The following GRIN2A variants were observed in gnomAD, a reference collection of about 807,000 sequenced individuals.
GRIN2A encodes glutamate receptor ionotropic, NMDA 2A.
GRIN2A carries 22 observed loss-of-function variants against 113.4 expected under a neutral mutation model. That is an observed-to-expected ratio of 0.19 (90% CI 0.14 to 0.28). GRIN2A has a LOEUF of 0.28. Ranked by LOEUF, GRIN2A falls within the 10% of genes least tolerant of loss-of-function variation. GRIN2A has a pLI of 1.00. For synonymous variants in GRIN2A, 827 were observed against 738.4 expected (o/e 1.12, Z -1.94); for missense variants, 1,502 against 1,887.0 (o/e 0.80, Z 3.78).
intron 2 of GRIN2A, among the ~76,000 whole-genome samples, chr16:10,043,876 T>C (rs540448119): frequency 1.3e-5 from 2 of 151,760 alleles, no homozygotes; most frequent in Admixed American, 6.6e-5. Context: ...AATATACATA[T>C]ACATACACAC....
rs1435985918 is a variant in GRIN2A, at chr16:10,058,684, G to C, written c.415-120133C>G. 2.0e-5 allele frequency among the ~76,000 whole-genome samples: 3 copies of C among 152,206 alleles called. 1 individual carries two copies. Among genetic ancestry groups the C allele is most frequent in the African/African-American group, 7.2e-5 (3 of 41,444 alleles). ...TACAGACCACTGAGTTCCATCCACA[G>C]ACCCCTTAGGGGCCCGTTTATGTGA... is the stretch of plus-strand genomic sequence containing the variant. On this transcript the variant is annotated intron_variant, in intron 2 of 12. Transcript: ENST00000330684.
chr16:9,955,190 C>G (rs1167590101), intron 2 of GRIN2A, among the ~76,000 whole-genome samples: 1 of 152,188 alleles, frequency 6.6e-6, no homozygotes, highest in African/African-American at 2.4e-5. Context: ...TACCACAAAT[C>G]ACCACATGGC....
At chr16:9,809,480 G>A (rs1223223266) in intron 10 of GRIN2A, among the ~76,000 whole-genome samples, 1 of 151,468 alleles carries the variant, frequency 6.6e-6, no homozygotes, top group Non-Finnish European at 1.5e-5. Context: ...TTGGAGAAAT[G>A]GAACGTACAT....
chr16:10,124,002 G>C lies in GRIN2A; in HGVS notation c.414+55996C>G, dbSNP rs939552134. 3.9e-5 allele frequency among the ~76,000 whole-genome samples: 6 copies of C among 152,154 alleles called. 1 individual carries two copies. Among genetic ancestry groups the C allele is most frequent in the African/African-American group, 1.4e-4 (6 of 41,448 alleles). ...TGCCCTGGTGTAATCATCCCTCACA[G>C]AGCCCTTGTTCCCACCTTCTTTCCA... On this transcript the variant is annotated intron_variant, in intron 2 of 12. Coordinates refer to ENST00000330684, the MANE Select transcript of GRIN2A (RefSeq NM_001134407.3).
chr16:10,039,235 T>A (rs1469649580), intron 2 of GRIN2A, among the ~76,000 whole-genome samples: 6 of 151,262 alleles, frequency 4.0e-5, no homozygotes, highest in Admixed American at 3.3e-4. Flanking sequence ...GGTGCCAGGG[T>A]TTAAAGAGGT....
chr16:9,769,116 A>G, intron 11 of GRIN2A, 27 bp from the exon 12 acceptor site: 1 of 1,551,668 alleles, frequency 6.4e-7, no homozygotes, highest in Non-Finnish European at 8.9e-7. Flanking sequence ...ATTCACAGGC[A>G]GTGAGGACCA....
At chr16:9,821,664 T>C (rs2042287680) in intron 10 of GRIN2A, among the ~76,000 whole-genome samples, 1 of 152,216 alleles carries the variant, frequency 6.6e-6, no homozygotes, top group South Asian at 2.1e-4. Flanking sequence ...TGAGAAACTC[T>C]CTCTCCAAAG....
intron 3 of GRIN2A, among the ~76,000 whole-genome samples, chr16:9,892,933 GAAAAAA>G (rs57666918): frequency 9.3e-4 from 90 of 96,596 alleles, no homozygotes; most frequent in African/African-American, 3.1e-3. Context: ...GCTAAAAAGT[GAAAAAA>G]AAAAAAAAAA....
intron 2 of GRIN2A, among the ~76,000 whole-genome samples, chr16:10,044,040 GAGAGAGAC>G (rs1426414946): frequency 9.7e-5 from 14 of 145,002 alleles, no homozygotes; most frequent in East Asian, 6.1e-4. Flanking sequence ...GAGAGAGAGA[GAGAGAGAC>G]AGAGACAGAG....
At chr16:10,089,969 A>T (rs199842741) in intron 2 of GRIN2A, among the ~76,000 whole-genome samples, 1 of 152,200 alleles carries the variant, frequency 6.6e-6, no homozygotes, top group East Asian at 1.9e-4. Flanking sequence ...CTTTAGTTTG[A>T]CATGGAAATT....
At position 9,797,189 on chromosome 16, in the gene GRIN2A, G is replaced by A. The variant is rs145534651; in HGVS notation, c.2356+1088C>T. On this transcript the variant is annotated intron_variant, in intron 11 of 12. Coordinates refer to ENST00000330684, the MANE Select transcript of GRIN2A (RefSeq NM_001134407.3). ...TCCCACCTGTAGCCTGGCATAACAC[G>A]TTCTGTAATCATCTCTGAATATAGC... Among the ~76,000 whole-genome samples, 66 of 152,324 alleles carry A rather than the reference G, an allele frequency of 4.3e-4. 1 individual carries two copies. The highest frequency in any genetic ancestry group is 1.3e-3 in the African/African-American group (55 of 41,574).
chr16:9,820,980 G>C (rs2042272130), intron 10 of GRIN2A, among the ~76,000 whole-genome samples: 1 of 152,114 alleles, frequency 6.6e-6, no homozygotes, highest in African/African-American at 2.4e-5. Context: ...ACATTCCAAA[G>C]GCACAGACTG....
At chr16:10,039,709 C>G (rs539822048) in intron 2 of GRIN2A, among the ~76,000 whole-genome samples, 72 of 148,496 alleles carry the variant, frequency 4.8e-4, no homozygotes, top group African/African-American at 1.8e-3. Context: ...GGACCAGGTG[C>G]TGGGCAGAAG....
chr16:10,067,640 G>T (rs1381316461), intron 2 of GRIN2A, among the ~76,000 whole-genome samples: 1 of 152,166 alleles, frequency 6.6e-6, no homozygotes, highest in Non-Finnish European at 1.5e-5. Context: ...AACAGCAGCT[G>T]AGAGGAGTGG....
chr16:9,783,307 C>T (rs1275022452), intron 11 of GRIN2A, among the ~76,000 whole-genome samples: 2 of 152,196 alleles, frequency 1.3e-5, no homozygotes, highest in Non-Finnish European at 2.9e-5. Context: ...CCATTGCGTC[C>T]AAATCTAGTT....
intron 2 of GRIN2A, among the ~76,000 whole-genome samples, chr16:10,107,076 G>A (rs2048514214): frequency 6.6e-6 from 1 of 152,212 alleles, no homozygotes; most frequent in South Asian, 2.1e-4. Context: ...CATGAAGCAA[G>A]ACAAAGAATG....
intron 3 of GRIN2A, among the ~76,000 whole-genome samples, chr16:9,933,429 C>A (rs1413019583): frequency 6.6e-6 from 1 of 152,142 alleles, no homozygotes; most frequent in East Asian, 1.9e-4. Context: ...CTCAACCAGT[C>A]AAATCTGGAT....
intron 11 of GRIN2A, among the ~76,000 whole-genome samples, chr16:9,789,011 G>C (rs1902424500): frequency 6.6e-6 from 1 of 152,052 alleles, no homozygotes; most frequent in Non-Finnish European, 1.5e-5. Flanking sequence ...CAAAGTGCTG[G>C]GATTACAGGT....
chr16:9,866,032 A>C (rs1275450818), intron 4 of GRIN2A, among the ~76,000 whole-genome samples: 1 of 152,228 alleles, frequency 6.6e-6, no homozygotes, highest in Non-Finnish European at 1.5e-5. Flanking sequence ...TATGGCCCAC[A>C]AAGCCTAAAA....
Sources: allele counts gnomAD v4.1 joint callset (sites outside exome capture counted in the v4.1 genomes callset), GRCh38; gene constraint gnomAD v4.1.1; transcripts MANE v1.5; gene names NCBI Gene and HGNC (gene_info 2026-07-23, HGNC 2026-07-21).